KCNT2: variants seen among roughly 807,000 people sequenced by gnomAD.
The protein encoded by KCNT2 is potassium channel subfamily T member 2.
A neutral mutation model predicts 153.8 loss-of-function variants in KCNT2; 67 were observed. The observed-to-expected ratio is 0.44, with a 90% CI of 0.36 to 0.53. The LOEUF (loss-of-function observed/expected upper bound fraction) is 0.53, where lower values mean the gene tolerates loss of function less well. Among genes scored for constraint, KCNT2 ranks in the 20% least tolerant of loss-of-function variants. The probability of loss-of-function intolerance (pLI) is 0.00; values close to 1 mark genes in which losing one functional copy is unlikely to be tolerated. For missense variants in KCNT2, 975 were observed against 1,354.8 expected (o/e 0.72, Z 4.40); for synonymous variants, 500 against 458.8 (o/e 1.09, Z -1.15).
rs547859288 is a variant in KCNT2 at position 196,504,661 on chromosome 1, C to A, written c.96-12320G>T. Among the ~76,000 whole-genome samples the A allele has an allele frequency of 3.9e-5, 6 of 152,304 alleles. No individual in the cohort carries two copies. The East Asian group carries it at 1.2e-3, about 29-fold the overall frequency. On this transcript the variant is annotated intron_variant, in intron 1 of 27. Coordinates refer to ENST00000294725, the MANE Select transcript of KCNT2 (RefSeq NM_198503.5). ...TCTAGATCCCTGAGGAATCGCCACA[C>A]TGACTTCCACAATGGTTGAACTAGT...
At chr1:196,345,980 G>A (rs1301491555) in intron 14 of KCNT2, among the ~76,000 whole-genome samples, 1 of 152,098 alleles carries the variant, frequency 6.6e-6, no homozygotes, top group Non-Finnish European at 1.5e-5. Flanking sequence ...AAAGAGAGGA[G>A]ATGTCAAACA....
intron 14 of KCNT2, among the ~76,000 whole-genome samples, chr1:196,363,462 G>T (rs543377399): frequency 6.6e-6 from 1 of 152,222 alleles, no homozygotes; most frequent in East Asian, 1.9e-4. Context: ...CTTAAGTGTT[G>T]CTAGGATTTG....
chr1:196,295,852 A>G (rs1261751888), intron 22 of KCNT2, among the ~76,000 whole-genome samples: 5 of 152,170 alleles, frequency 3.3e-5, no homozygotes, highest in African/African-American at 7.2e-5. Context: ...CTGAGTCCTT[A>G]GAAGATAAAC....
chr1:196,320,364 T>A, intron 19 of KCNT2, among the ~76,000 whole-genome samples: 1 of 151,942 alleles, frequency 6.6e-6, no homozygotes, highest in Middle Eastern at 3.4e-3. Context: ...CAAAAGAATA[T>A]CCTGTTAACT....
chr1:196,432,853 G>A (rs1179153592), intron 8 of KCNT2, among the ~76,000 whole-genome samples: 1 of 152,090 alleles, frequency 6.6e-6, no homozygotes, highest in Non-Finnish European at 1.5e-5. Context: ...CTACTGGGAT[G>A]AAATAAAATG....
chr1:196,449,457 T>C (rs1675965987), intron 8 of KCNT2, among the ~76,000 whole-genome samples: 1 of 151,676 alleles, frequency 6.6e-6, no homozygotes, highest in African/African-American at 2.4e-5. Context: ...AGAAATACTC[T>C]ATATAATATT....
chr1:196,246,334 G>C (rs1411938286), intron 26 of KCNT2, among the ~76,000 whole-genome samples: 1 of 152,124 alleles, frequency 6.6e-6, no homozygotes, highest in Non-Finnish European at 1.5e-5. Flanking sequence ...ACAAATCTGA[G>C]AGATTTCATC....
At chr1:196,233,197 T>C (rs1311449504) in intron 27 of KCNT2, among the ~76,000 whole-genome samples, 2 of 151,468 alleles carry the variant, frequency 1.3e-5, no homozygotes, top group Non-Finnish European at 3.0e-5. Context: ...AATATCACCA[T>C]CAGATACAAT....
intron 14 of KCNT2, among the ~76,000 whole-genome samples, chr1:196,366,258 C>T (rs1287148410): frequency 6.6e-6 from 1 of 151,846 alleles, no homozygotes; most frequent in Non-Finnish European, 1.5e-5. Flanking sequence ...CTCCTGGGTT[C>T]AAGGGATTCT....
chr1:196,299,076 C>T (rs772468881), intron 22 of KCNT2, among the ~76,000 whole-genome samples: 38 of 151,922 alleles, frequency 2.5e-4, no homozygotes, highest in Middle Eastern at 3.4e-3. Context: ...TGCACAGATA[C>T]ACACATTAAT....
intron 1 of KCNT2, among the ~76,000 whole-genome samples, chr1:196,517,987 T>A (rs576098263): frequency 1.3e-5 from 2 of 152,084 alleles, no homozygotes; most frequent in Admixed American, 6.5e-5. Context: ...AAGGTCAAAA[T>A]GAAAGAATAT....
chr1:196,263,784 C>A (rs1048314988), intron 25 of KCNT2, among the ~76,000 whole-genome samples: 1 of 152,126 alleles, frequency 6.6e-6, no homozygotes, highest in Non-Finnish European at 1.5e-5. Flanking sequence ...TCCATCCAAC[C>A]TCATCTACAT....
chr1:196,252,372 A>C (rs1656053413), intron 26 of KCNT2, among the ~76,000 whole-genome samples: 1 of 151,764 alleles, frequency 6.6e-6, no homozygotes, highest in Non-Finnish European at 1.5e-5. Context: ...CACATAAACA[A>C]GAAAGGATGG....
In KCNT2 at chr1:196,305,222, G is replaced by T; in HGVS notation, c.2595+12C>A. 1 of 1,392,956 alleles carries T rather than the reference G, an allele frequency of 7.2e-7. No homozygotes were observed. Among genetic ancestry groups the T allele is most frequent in the Non-Finnish European group, 1.0e-6 (1 of 979,068 alleles). The allele number at this position is 1,392,956 out of a possible 1,614,324, so 86.3% of individuals were successfully genotyped here. On this transcript the variant is annotated intron_variant, in intron 22 of 27. Coordinates refer to ENST00000294725, the MANE Select transcript of KCNT2 (RefSeq NM_198503.5). Reference sequence around the variant, plus strand: ...GGTTAAATCTAATTTACTTGATAATGTGGGGTCTTACCTTTTCCAGTTTTG... The same window carrying T: ...GGTTAAATCTAATTTACTTGATAATTTGGGGTCTTACCTTTTCCAGTTTTG...
At chr1:196,581,724 C>T (rs994782900) in intron 1 of KCNT2, among the ~76,000 whole-genome samples, 1 of 152,100 alleles carries the variant, frequency 6.6e-6, no homozygotes, top group African/African-American at 2.4e-5. Context: ...CCCACTCAAG[C>T]ATAAATTAAC....
intron 14 of KCNT2, among the ~76,000 whole-genome samples, chr1:196,365,004 T>A (rs765034514): frequency 1.1e-4 from 17 of 152,214 alleles, no homozygotes; most frequent in Non-Finnish European, 2.4e-4. Context: ...GCATTGGAAT[T>A]CTTAAATCTT....
intron 16 of KCNT2, among the ~76,000 whole-genome samples, chr1:196,339,669 A>C (rs1469987298): frequency 6.6e-6 from 1 of 152,080 alleles, no homozygotes; most frequent in Non-Finnish European, 1.5e-5. Context: ...TGGTTCCTGG[A>C]ATAAATGAAT....
intron 1 of KCNT2, among the ~76,000 whole-genome samples, chr1:196,514,123 A>T (rs1681862857): frequency 6.6e-6 from 1 of 152,162 alleles, no homozygotes; most frequent in Non-Finnish European, 1.5e-5. Flanking sequence ...TAGATCTAAA[A>T]TTGTGAGGGC....
intron 25 of KCNT2, among the ~76,000 whole-genome samples, chr1:196,262,584 G>T (rs944706234): frequency 2.0e-5 from 3 of 151,596 alleles, no homozygotes; most frequent in African/African-American, 7.3e-5. Context: ...AAGCACCAAG[G>T]CTTATATATT....
Sources: gnomAD v4.1 joint callset for allele counts (sites outside exome capture counted in the v4.1 genomes callset) on GRCh38, gnomAD v4.1.1 for gene constraint, MANE v1.5 for transcripts, NCBI Gene and HGNC (gene_info 2026-07-23, HGNC 2026-07-21) for gene names.